AUTS2: variants seen among roughly 807,000 people sequenced by gnomAD.
AUTS2 encodes the protein autism susceptibility gene 2 protein.
Under a neutral mutation model 112.4 loss-of-function variants are expected in AUTS2, and 17 were observed. That is an observed-to-expected ratio of 0.15 (90% CI 0.10 to 0.23). The LOEUF is 0.23. AUTS2 is among the 10% of genes least tolerant of loss of function. AUTS2 has a pLI of 1.00. For synonymous variants in AUTS2, 751 were observed against 702.7 expected (o/e 1.07, Z -1.09); for missense variants, 1,510 against 1,701.6 (o/e 0.89, Z 1.98).
chr7:69,858,172 A>T (rs1792819110), intron 1 of AUTS2, among the ~76,000 whole-genome samples: 1 of 152,210 alleles, frequency 6.6e-6, no homozygotes, highest in Non-Finnish European at 1.5e-5. Flanking sequence ...ACTTCTGGGG[A>T]AATAGCTCAG....
chr7:69,934,017 G>A (rs1415565348), intron 2 of AUTS2, among the ~76,000 whole-genome samples: 2 of 152,204 alleles, frequency 1.3e-5, no homozygotes, highest in Non-Finnish European at 2.9e-5. Context: ...TTATGTAAAG[G>A]TCTAGTTTAG....
intron 1 of AUTS2, among the ~76,000 whole-genome samples, chr7:69,779,039 CTTT>C (rs71529992): frequency 2.0e-3 from 202 of 103,468 alleles, no homozygotes; most frequent in Middle Eastern, 6.6e-3. Context: ...AGTTGTGAGC[CTTT>C]TTTTTTTTAA....
At chr7:70,697,132 CA>C (rs1298686517) in intron 5 of AUTS2, among the ~76,000 whole-genome samples, 1 of 152,012 alleles carries the variant, frequency 6.6e-6, no homozygotes, top group Non-Finnish European at 1.5e-5. Context: ...CTCCCATTAA[CA>C]TTTTTTTTTG....
At chr7:70,438,524 G>A (rs1795989098) in intron 5 of AUTS2, among the ~76,000 whole-genome samples, 3 of 152,054 alleles carry the variant, frequency 2.0e-5, no homozygotes, top group South Asian at 2.1e-4. Context: ...TTCTCCAGGG[G>A]GCTCCCAACA....
At chr7:69,671,787 G>A (rs1473127773) in intron 1 of AUTS2, among the ~76,000 whole-genome samples, 1 of 151,840 alleles carries the variant, frequency 6.6e-6, no homozygotes, top group South Asian at 2.1e-4. Context: ...AGATATTTTT[G>A]TCCTATTTTA....
At chr7:70,545,352 T>C (rs1310459035) in intron 5 of AUTS2, among the ~76,000 whole-genome samples, 15 of 152,196 alleles carry the variant, frequency 9.9e-5, no homozygotes, top group Non-Finnish European at 4.4e-5. Flanking sequence ...TAGGGTTCCA[T>C]CTCTTCGGAG....
chr7:69,668,941 A>G (rs954631085), intron 1 of AUTS2, among the ~76,000 whole-genome samples: 1 of 152,158 alleles, frequency 6.6e-6, no homozygotes, highest in African/African-American at 2.4e-5. Flanking sequence ...AGCAATTAAC[A>G]TAAAAGTCAG....
At chr7:70,097,896 C>T (rs544478074) in intron 2 of AUTS2, among the ~76,000 whole-genome samples, 4 of 152,292 alleles carry the variant, frequency 2.6e-5, no homozygotes, top group South Asian at 2.1e-4. Flanking sequence ...ATGGGAAGAA[C>T]TGTTGGTGAG....
At chr7:70,444,985 G>T (rs960029520) in intron 5 of AUTS2, among the ~76,000 whole-genome samples, 7 of 151,854 alleles carry the variant, frequency 4.6e-5, no homozygotes, top group Non-Finnish European at 1.0e-4. Context: ...CTAAGATTAG[G>T]GTCAATAATA....
chr7:69,946,461 A>T (rs1463926563), intron 2 of AUTS2, among the ~76,000 whole-genome samples: 1 of 152,094 alleles, frequency 6.6e-6, no homozygotes, highest in Non-Finnish European at 1.5e-5. Context: ...TATCTGCACT[A>T]CCATGTTCAT....
chr7:70,125,383 T>C lies in AUTS2; in HGVS notation c.624+7150T>C, dbSNP rs192522736. On this transcript the variant is annotated intron_variant, in intron 3 of 18. Coordinates refer to ENST00000342771, the MANE Select transcript of AUTS2 (RefSeq NM_015570.4). The stretch of plus-strand genomic sequence containing the variant: ...CATTCTGACTGAGTACTTTGCCTAA[T>C]GCCTAACGTCTTACAAGGTTTTTCC... Among the ~76,000 whole-genome samples the C allele has an allele frequency of 1.9e-3, 296 of 152,190 alleles. 1 individual carries two copies. Among genetic ancestry groups the C allele is most frequent in the South Asian group, 0.01 (50 of 4,822 alleles).
chr7:69,611,598 C>T (rs1314407102), intron 1 of AUTS2, among the ~76,000 whole-genome samples: 1 of 152,192 alleles, frequency 6.6e-6, no homozygotes, highest in Non-Finnish European at 1.5e-5. Flanking sequence ...CTGTTTAACT[C>T]AGCATGTCTA....
At chr7:70,197,049 T>TA (rs1377878347) in intron 4 of AUTS2, among the ~76,000 whole-genome samples, 1 of 152,210 alleles carries the variant, frequency 6.6e-6, no homozygotes, top group East Asian at 1.9e-4. Context: ...ATTCAGGCAC[T>TA]TTGTGTTTGT....
At chr7:70,303,439 T>TACACACACAC (rs371608891) in intron 4 of AUTS2, among the ~76,000 whole-genome samples, 17 of 143,296 alleles carry the variant, frequency 1.2e-4, no homozygotes, top group African/African-American at 2.6e-4. Context: ...CGCGCGCACA[T>TACACACACAC]ACACACACAC....
chr7:70,552,082 G>GA (rs918387655), intron 5 of AUTS2, among the ~76,000 whole-genome samples: 3 of 152,108 alleles, frequency 2.0e-5, no homozygotes, highest in Non-Finnish European at 4.4e-5. Flanking sequence ...GTAGGGAAAA[G>GA]AGTATGTGTA....
At chr7:70,787,011 A>T in intron 17 of AUTS2, 198 bp from the exon 18 acceptor site, 1 of 673,438 alleles carries the variant, frequency 1.5e-6, no homozygotes, top group Non-Finnish European at 2.6e-6. Context: ...AAGAAAAAAA[A>T]AAGCTGTGAG....
chr7:69,722,822 T>A (rs1799032959), intron 1 of AUTS2, among the ~76,000 whole-genome samples: 1 of 152,136 alleles, frequency 6.6e-6, no homozygotes, highest in Non-Finnish European at 1.5e-5. Flanking sequence ...AGTCCTTTGC[T>A]TTAATAGAAG....
At chr7:70,759,977 C>G (rs1338896244) in intron 6 of AUTS2, among the ~76,000 whole-genome samples, 2 of 152,002 alleles carry the variant, frequency 1.3e-5, no homozygotes, top group Non-Finnish European at 2.9e-5. Context: ...TTCACCAGCC[C>G]AGTCTGGAGA....
intron 5 of AUTS2, among the ~76,000 whole-genome samples, chr7:70,585,468 C>G (rs964544471): frequency 2.6e-5 from 4 of 152,124 alleles, no homozygotes; most frequent in African/African-American, 9.7e-5. Context: ...ACTTTTCTGC[C>G]AAAAGAGGCA....
Sources: gnomAD v4.1 joint callset for allele counts (sites outside exome capture counted in the v4.1 genomes callset) on GRCh38, gnomAD v4.1.1 for gene constraint, MANE v1.5 for transcripts, NCBI Gene and HGNC (gene_info 2026-07-23, HGNC 2026-07-21) for gene names.